Variants in LCORL observed in about 807,000 individuals in gnomAD.
LCORL encodes ligand-dependent nuclear receptor corepressor-like protein.
LCORL carries 41 observed loss-of-function variants against 141.8 expected under a neutral mutation model. That is an observed-to-expected ratio of 0.29 (90% CI 0.23 to 0.38). The LOEUF (loss-of-function observed/expected upper bound fraction) is 0.38. Ranked by LOEUF, LCORL falls within the 10% of genes least tolerant of loss-of-function variation. The pLI is 1.00. For synonymous variants in LCORL, 618 were observed against 694.1 expected, an observed-to-expected ratio of 0.89 and a Z score of 1.72; for missense variants, 1,759 against 2,035.0, an observed-to-expected ratio of 0.86 and a Z score of 2.61.
chr4:17,920,704 C>A (rs1734152743), intron 4 of LCORL, among the ~76,000 whole-genome samples: 1 of 152,218 alleles, frequency 6.6e-6, no homozygotes, highest in Non-Finnish European at 1.5e-5. Context: ...ATTCTAAATC[C>A]TTTGGTGTCA....
At chr4:18,009,845 T>C (rs1577724784) in intron 1 of LCORL, among the ~76,000 whole-genome samples, 1 of 150,870 alleles carries the variant, frequency 6.6e-6, no homozygotes, top group African/African-American at 2.4e-5. Context: ...TCAACCCCCA[T>C]GGACACCCTC....
At chr4:17,866,322 T>C (rs1725647016) in intron 7 of LCORL, among the ~76,000 whole-genome samples, 1 of 152,176 alleles carries the variant, frequency 6.6e-6, no homozygotes, top group African/African-American at 2.4e-5. Context: ...TAAATTCCTA[T>C]AGCACCACAT....
chr4:17,959,443 C>A (rs558691636), intron 4 of LCORL, among the ~76,000 whole-genome samples: 1 of 152,086 alleles, frequency 6.6e-6, no homozygotes, highest in African/African-American at 2.4e-5. Context: ...CTTTTCTGAG[C>A]TTCACAGTTC....
Position 18,021,685 on chromosome 4 carries a change from GAGCGGCGGCGGCGGCGGCGGC to G in LCORL, c.46_66del (p.Ala16_Ala22del), listed in dbSNP as rs1553889891. On this transcript the variant is annotated inframe_deletion, in exon 1 of 8. Coordinates refer to ENST00000635767, the Ensembl canonical transcript of LCORL. This position sits in a 1 kb window ranked among gnomAD's most constrained non-coding sequence, Gnocchi z 5.5. ...GCCGCGCACCGAGGGCTCCGGCACT[GAGCGGCGGCGGCGGCGGCGGC>G]AGCAGCGGCGGCGGCAGCGGCCATT... 3.3e-6 allele frequency: 5 copies of G among 1,534,846 alleles called. No individual in the cohort carries two copies. The highest frequency in any genetic ancestry group is 1.4e-5 in the African/African-American group (1 of 71,318).
chr4:17,945,411 GT>G (rs200628386), intron 4 of LCORL, among the ~76,000 whole-genome samples: 106 of 145,038 alleles, frequency 7.3e-4, no homozygotes, highest in African/African-American at 1.2e-3. Flanking sequence ...ATAAATTGGG[GT>G]TTTTTTTTTT....
intron 4 of LCORL, among the ~76,000 whole-genome samples, chr4:17,954,815 G>A (rs559346456): frequency 1.3e-5 from 2 of 152,260 alleles, no homozygotes; most frequent in African/African-American, 2.4e-5. Flanking sequence ...ACTGAGTCAC[G>A]AGTGATACCT....
chr4:17,995,314 G>C (rs1168990814), intron 1 of LCORL, among the ~76,000 whole-genome samples: 2 of 151,146 alleles, frequency 1.3e-5, no homozygotes, highest in East Asian at 3.9e-4. Context: ...TAAAGGTGTT[G>C]CTATTACAAG....
intron 4 of LCORL, among the ~76,000 whole-genome samples, chr4:17,938,003 CTTT>C (rs201471488): frequency 8.4e-5 from 11 of 131,532 alleles, no homozygotes; most frequent in Non-Finnish European, 8.1e-5. Flanking sequence ...TAAACAATTT[CTTT>C]TTTTTTTTTT....
At chr4:17,959,775 G>T (rs950676282) in intron 4 of LCORL, among the ~76,000 whole-genome samples, 1 of 151,818 alleles carries the variant, frequency 6.6e-6, no homozygotes, top group Admixed American at 6.6e-5. Flanking sequence ...CCATATCCAG[G>T]ATCCCTAAAA....
chr4:17,947,276 A>G (rs1476961648), intron 4 of LCORL, among the ~76,000 whole-genome samples: 1 of 151,992 alleles, frequency 6.6e-6, no homozygotes, highest in Admixed American at 6.6e-5. Flanking sequence ...AAGTACAGTA[A>G]GCCAGGCACA....
chr4:17,976,262 TTTA>T (rs2109690272), intron 1 of LCORL, among the ~76,000 whole-genome samples: 1 of 152,304 alleles, frequency 6.6e-6, no homozygotes, highest in South Asian at 2.1e-4. Context: ...ATTGAATGTA[TTTA>T]TTAAAATAGT....
chr4:17,909,021 TAA>T lies in LCORL; in HGVS notation c.682+71_682+72del, dbSNP rs1003524475. On this transcript the variant is annotated intron_variant, in intron 5 of 7. Coordinates refer to ENST00000635767, the Ensembl canonical transcript of LCORL. ...TCCAAAATAAATTTCCCTATGAATA[TAA>T]AAAGTTATAAATATACATTTAACGA... 29 of 1,322,040 alleles carry T rather than the reference TAA, an allele frequency of 2.2e-5. No homozygotes were observed. The East Asian group carries it at 6.2e-4, about 28-fold the overall frequency. The allele number at this position is 1,322,040 out of a possible 1,614,324, so 81.9% of individuals were successfully genotyped here.
In LCORL at chr4:17,913,387, C is replaced by T. The variant is rs376785082; in HGVS notation, c.431-4042G>A. ...AAGAATTGTAAAAGGTGATGAAACA[C>T]GGCTTTACCAATATAATCCTGAAGA... is the stretch of plus-strand genomic sequence containing the variant. On this transcript the variant is annotated intron_variant, in intron 4 of 7. Coordinates refer to ENST00000635767, the Ensembl canonical transcript of LCORL. 2.4e-4 allele frequency among the ~76,000 whole-genome samples: 37 copies of T among 152,318 alleles called. 1 individual carries two copies. In the South Asian group the frequency reaches 3.9e-3, roughly 16 times the overall value.
chr4:17,873,753 T>C, exon 7 of LCORL: 1 of 1,234,056 alleles, frequency 8.1e-7, no homozygotes, highest in Non-Finnish European at 1.0e-6. Context: ...AATGATTGTA[T>C]TTAGCTTAAA....
intron 1 of LCORL, among the ~76,000 whole-genome samples, chr4:17,984,881 T>G (rs970556134): frequency 2.6e-4 from 39 of 152,254 alleles, no homozygotes; most frequent in African/African-American, 8.4e-4. Context: ...TAACTTTTGA[T>G]GTGGGCATTT....
intron 4 of LCORL, among the ~76,000 whole-genome samples, chr4:17,935,435 C>T (rs1387312894): frequency 6.6e-6 from 1 of 152,140 alleles, no homozygotes; most frequent in Admixed American, 6.5e-5. Flanking sequence ...ATGTGACCTT[C>T]AATGTTGGAG....
At chr4:17,924,947 C>T (rs1734887349) in intron 4 of LCORL, among the ~76,000 whole-genome samples, 1 of 152,164 alleles carries the variant, frequency 6.6e-6, no homozygotes, top group South Asian at 2.1e-4. Context: ...AGCCAGGATT[C>T]ACGGGTCCAG....
chr4:17,986,893 C>T (rs1298564166), intron 1 of LCORL, among the ~76,000 whole-genome samples: 1 of 152,004 alleles, frequency 6.6e-6, no homozygotes, highest in Non-Finnish European at 1.5e-5. Flanking sequence ...ATTATGACTA[C>T]ACTTTTCATT....
At chr4:17,870,538 T>C (rs1726221604) in intron 7 of LCORL, among the ~76,000 whole-genome samples, 1 of 152,172 alleles carries the variant, frequency 6.6e-6, no homozygotes. Context: ...ATCCTTCTAC[T>C]GGAATTGGCT....
Sources: gnomAD v4.1 joint callset for allele counts (sites outside exome capture counted in the v4.1 genomes callset) on GRCh38, gnomAD v4.1.1 for gene constraint, Gnocchi (gnomAD v3.1) non-coding constraint, MANE v1.5 for transcripts, NCBI Gene and HGNC (gene_info 2026-07-23, HGNC 2026-07-21) for gene names.